Variants in FBXL17 observed in about 807,000 individuals in gnomAD.
FBXL17 encodes F-box and leucine rich repeat protein 17.
A neutral mutation model predicts 66.2 loss-of-function variants in FBXL17; 22 were observed. That is an observed-to-expected ratio of 0.33 (90% CI 0.24 to 0.47). The LOEUF is 0.47. Ranked by LOEUF, FBXL17 falls within the 20% of genes least tolerant of loss-of-function variation. The pLI, the probability that FBXL17 is intolerant of heterozygous loss-of-function variation, is 1.00. For missense variants in FBXL17, 878 were observed against 948.2 expected, an observed-to-expected ratio of 0.93 and a Z score of 0.97; for synonymous variants, 474 against 400.5, an observed-to-expected ratio of 1.18 and a Z score of -2.19.
At chr5:108,161,360 C>A (rs1752211313) in intron 6 of FBXL17, among the ~76,000 whole-genome samples, 6 of 152,094 alleles carry the variant, frequency 3.9e-5, no homozygotes, top group Admixed American at 3.9e-4. Context: ...GCAGTGTGTG[C>A]CTGTAGTCCC....
chr5:108,342,935 T>G (rs1157224062), intron 4 of FBXL17, among the ~76,000 whole-genome samples: 1 of 152,152 alleles, frequency 6.6e-6, no homozygotes, highest in Non-Finnish European at 1.5e-5. Context: ...ACCTCCAAGA[T>G]GATAGTATTA....
intron 7 of FBXL17, among the ~76,000 whole-genome samples, chr5:107,956,943 G>T (rs1751685935): frequency 1.3e-5 from 2 of 152,112 alleles, no homozygotes; most frequent in Admixed American, 6.6e-5. Flanking sequence ...TTTTCTCAGT[G>T]CTCAACTCTA....
intron 6 of FBXL17, among the ~76,000 whole-genome samples, chr5:108,164,851 G>GT (rs1165040920): frequency 1.3e-5 from 2 of 152,182 alleles, no homozygotes; most frequent in Non-Finnish European, 2.9e-5. Flanking sequence ...GCTGATGCTC[G>GT]TATCTACTAC....
chr5:107,873,627 T>C (rs1748524086), intron 8 of FBXL17, among the ~76,000 whole-genome samples: 1 of 152,210 alleles, frequency 6.6e-6, no homozygotes, highest in South Asian at 2.1e-4. Context: ...CACTGCAGGC[T>C]GGTCTTGTTG....
At chr5:107,935,068 G>GT (rs199500057) in intron 7 of FBXL17, among the ~76,000 whole-genome samples, 6,103 of 148,776 alleles carry the variant, frequency 0.041, 130 homozygotes, top group Middle Eastern at 0.065. Flanking sequence ...GGTATCTTTT[G>GT]TTTTTTTTTT....
At chr5:108,269,627 T>C (rs1757184605) in intron 4 of FBXL17, among the ~76,000 whole-genome samples, 1 of 152,032 alleles carries the variant, frequency 6.6e-6, no homozygotes, top group Admixed American at 6.6e-5. Flanking sequence ...GATTAAAATA[T>C]GGGTACTGGA....
At chr5:108,002,119 G>T (rs1293106430) in intron 7 of FBXL17, among the ~76,000 whole-genome samples, 2 of 150,976 alleles carry the variant, frequency 1.3e-5, no homozygotes, top group Non-Finnish European at 2.9e-5. Flanking sequence ...GGATTCAAGG[G>T]ATTCTCCTCC....
intron 4 of FBXL17, among the ~76,000 whole-genome samples, chr5:108,278,251 A>C (rs1199179464): frequency 6.6e-6 from 1 of 152,140 alleles, no homozygotes; most frequent in Admixed American, 6.5e-5. Context: ...TGTGAAAAGG[A>C]ACTACTTCAG....
At chr5:108,165,459 A>T (rs938201115) in intron 6 of FBXL17, among the ~76,000 whole-genome samples, 1 of 152,232 alleles carries the variant, frequency 6.6e-6, no homozygotes, top group Non-Finnish European at 1.5e-5. Context: ...AAGAAATACA[A>T]GGGCCTACAA....
chr5:108,098,995 T>C (rs1749498671), intron 6 of FBXL17, among the ~76,000 whole-genome samples: 1 of 152,094 alleles, frequency 6.6e-6, no homozygotes, highest in Non-Finnish European at 1.5e-5. Context: ...ATACTAAAAG[T>C]AGCAATAGAT....
chr5:108,206,955 TAAACAC>T (rs1754147048), intron 5 of FBXL17, among the ~76,000 whole-genome samples: 1 of 152,162 alleles, frequency 6.6e-6, no homozygotes, highest in Non-Finnish European at 1.5e-5. Context: ...TTTACCAAAG[TAAACAC>T]TTTGGACCAT....
chr5:108,098,711 C>T (rs1749483142), intron 6 of FBXL17, among the ~76,000 whole-genome samples: 1 of 144,318 alleles, frequency 6.9e-6, no homozygotes, highest in African/African-American at 2.6e-5. Context: ...TGCTGCTGCA[C>T]TCCAGCCTGG....
At chr5:108,371,785 A>C (rs887443951) in intron 1 of FBXL17, among the ~76,000 whole-genome samples, 10 of 152,250 alleles carry the variant, frequency 6.6e-5, no homozygotes, top group African/African-American at 2.2e-4. Context: ...ATGACATTTT[A>C]AAATTCACTA....
intron 6 of FBXL17, among the ~76,000 whole-genome samples, chr5:108,064,860 G>A (rs894620751): frequency 1.3e-5 from 2 of 152,052 alleles, no homozygotes; most frequent in Non-Finnish European, 2.9e-5. Flanking sequence ...GATCTCATCT[G>A]GGACGGCCTT....
intron 6 of FBXL17, among the ~76,000 whole-genome samples, chr5:108,143,398 T>C (rs1751436056): frequency 6.6e-6 from 1 of 151,632 alleles, no homozygotes; most frequent in Non-Finnish European, 1.5e-5. Context: ...ATGCTATTAA[T>C]GTATTTATTC....
intron 1 of FBXL17, among the ~76,000 whole-genome samples, chr5:108,372,376 A>G (rs931171696): frequency 2.0e-5 from 3 of 152,228 alleles, no homozygotes; most frequent in African/African-American, 7.2e-5. Context: ...TGAAGAAATA[A>G]TGGCTAAAAC....
intron 8 of FBXL17, among the ~76,000 whole-genome samples, chr5:107,867,809 G>A (rs1021685516): frequency 1.3e-5 from 2 of 152,112 alleles, no homozygotes; most frequent in Non-Finnish European, 2.9e-5. Flanking sequence ...TGGTGCCTCA[G>A]GAGCATGCAA....
At chr5:108,222,474 G>A (rs1258064233) in intron 5 of FBXL17, among the ~76,000 whole-genome samples, 2 of 152,056 alleles carry the variant, frequency 1.3e-5, no homozygotes, top group Non-Finnish European at 2.9e-5. Flanking sequence ...TTCTGATACA[G>A]CAATAATTGA....
chr5:107,988,185 C>T (rs948355466), intron 7 of FBXL17, among the ~76,000 whole-genome samples: 4 of 151,890 alleles, frequency 2.6e-5, no homozygotes, highest in East Asian at 1.9e-4. Context: ...ATATATCCTG[C>T]GTATAATACA....
Sources: gnomAD v4.1 joint callset for allele counts (sites outside exome capture counted in the v4.1 genomes callset) on GRCh38, gnomAD v4.1.1 for gene constraint, MANE v1.5 for transcripts, NCBI Gene and HGNC (gene_info 2026-07-23, HGNC 2026-07-21) for gene names.